The following RCOR1 variants were observed in gnomAD, a reference collection of about 807,000 sequenced individuals.
RCOR1 encodes the protein REST corepressor 1.
In RCOR1, 12 loss-of-function variants were observed where a neutral mutation model predicts 64.0. The ratio of observed to expected loss-of-function variants is 0.19; its 90% CI spans 0.12 to 0.30. The LOEUF is 0.30. Ranked by LOEUF, RCOR1 falls within the 10% of genes least tolerant of loss-of-function variation. RCOR1 has a pLI of 1.00. For synonymous variants in RCOR1, 279 were observed against 227.2 expected (o/e 1.23, Z -2.05); for missense variants, 502 against 621.2 (o/e 0.81, Z 2.04).
intron 3 of RCOR1, among the ~76,000 whole-genome samples, chr14:102,683,206 GTTA>G (rs921586015): frequency 1.3e-5 from 2 of 152,148 alleles, no homozygotes; most frequent in African/African-American, 2.4e-5. Flanking sequence ...TTTAAAGTTG[GTTA>G]AAACTTTAAA....
At chr14:102,678,150 G>A (rs1172828587) in intron 2 of RCOR1, among the ~76,000 whole-genome samples, 4 of 152,104 alleles carry the variant, frequency 2.6e-5, no homozygotes. Context: ...CGAGATGGCA[G>A]CAGTACCGTC....
At chr14:102,648,227 C>T (rs1894515818) in intron 2 of RCOR1, among the ~76,000 whole-genome samples, 1 of 151,198 alleles carries the variant, frequency 6.6e-6, no homozygotes, top group Non-Finnish European at 1.5e-5. Flanking sequence ...CACAGGCATG[C>T]GCCACCACAC....
intron 2 of RCOR1, among the ~76,000 whole-genome samples, chr14:102,618,610 C>T (rs555105873): frequency 6.6e-6 from 1 of 152,146 alleles, no homozygotes; most frequent in Admixed American, 6.6e-5. Flanking sequence ...TCGACCCTGT[C>T]TCAAAACTAA....
chr14:102,636,033 C>T lies in RCOR1; in HGVS notation c.361+42708C>T, dbSNP rs563681997. Among the ~76,000 whole-genome samples, 23 of 151,802 alleles carry T rather than the reference C, an allele frequency of 1.5e-4. No homozygotes were observed. In the East Asian group the frequency reaches 3.9e-3, roughly 26 times the overall value. On this transcript the variant is annotated intron_variant, in intron 2 of 11. Coordinates refer to ENST00000262241, the MANE Select transcript of RCOR1 (RefSeq NM_015156.4). ...CTGCAACCTCCGCCTCCCAGGTTCA[C>T]GCCATTCTCCCACCTCAGCCTCCTG...
chr14:102,601,374 T>G (rs900944366), intron 2 of RCOR1, among the ~76,000 whole-genome samples: 6 of 152,256 alleles, frequency 3.9e-5, no homozygotes, highest in Non-Finnish European at 8.8e-5. Flanking sequence ...CATTCCCGCC[T>G]TCTTTCTTCA....
chr14:102,599,291 A>C (rs879327728), intron 2 of RCOR1, among the ~76,000 whole-genome samples: 8 of 151,958 alleles, frequency 5.3e-5, no homozygotes, highest in Non-Finnish European at 1.0e-4. Flanking sequence ...ACCATGCCTG[A>C]CTAGTTTTTT....
At chr14:102,693,269 C>G (rs943386850) in intron 3 of RCOR1, among the ~76,000 whole-genome samples, 2 of 152,158 alleles carry the variant, frequency 1.3e-5, no homozygotes, top group Admixed American at 6.5e-5. Flanking sequence ...GACTATTTCT[C>G]TCTCTCCAGT....
intron 3 of RCOR1, among the ~76,000 whole-genome samples, chr14:102,690,070 C>G (rs1028127848): frequency 6.6e-6 from 1 of 151,624 alleles, no homozygotes; most frequent in African/African-American, 2.4e-5. Flanking sequence ...TAGCTATTAA[C>G]TATATAAGGA....
intron 3 of RCOR1, among the ~76,000 whole-genome samples, chr14:102,698,233 G>T (rs924565316): frequency 2.6e-5 from 4 of 152,222 alleles, no homozygotes; most frequent in African/African-American, 9.7e-5. Flanking sequence ...GCTTGTGTGT[G>T]TCTTAAAATT....
chr14:102,660,353 CT>C (rs36033972), intron 2 of RCOR1, among the ~76,000 whole-genome samples: 45,186 of 148,274 alleles, frequency 0.3, 6,829 homozygotes, highest in East Asian at 0.39. Context: ...TTGGGTAAAA[CT>C]TTTTTTTTTT....
At chr14:102,657,363 A>G in intron 2 of RCOR1, 2 of 985,310 alleles carry the variant, frequency 2.0e-6, no homozygotes, top group Non-Finnish European at 2.4e-6. Flanking sequence ...TTTAATCCTA[A>G]TTTAAGACCG....
At chr14:102,619,427 C>CT (rs981739555) in intron 2 of RCOR1, among the ~76,000 whole-genome samples, 3 of 148,300 alleles carry the variant, frequency 2.0e-5, no homozygotes, top group African/African-American at 7.5e-5. Flanking sequence ...GCCCATGCCT[C>CT]TATCTATCTA....
intron 2 of RCOR1, among the ~76,000 whole-genome samples, chr14:102,616,206 ATGTGTGTGTGTGTGTGTGTGTG>A (rs56991991): frequency 1.0e-4 from 15 of 149,266 alleles, no homozygotes; most frequent in Non-Finnish European, 1.3e-4. Context: ...ACATGTGTAT[ATGTGTGTGTGTGTGTGTGTGTG>A]TGTGTGTGTG....
In RCOR1 at chr14:102,706,401, A is replaced by G. The variant is rs541454737; in HGVS notation, c.499-950A>G. On this transcript the variant is annotated intron_variant, in intron 4 of 11. Transcript: ENST00000262241. Reference sequence around the variant, plus strand: ...ATGGTATCCCATGCAAGTAGTAACCAAAAGAAAGCAGGAGTGATTATAATA... The same window carrying G: ...ATGGTATCCCATGCAAGTAGTAACCGAAAGAAAGCAGGAGTGATTATAATA... Among the ~76,000 whole-genome samples the G allele has an allele frequency of 8.5e-5, 13 of 152,300 alleles. No individual in the cohort carries two copies. In the South Asian group the frequency reaches 2.7e-3, roughly 32 times the overall value.
intron 7 of RCOR1, among the ~76,000 whole-genome samples, chr14:102,713,320 G>C (rs1895999423): frequency 6.9e-6 from 1 of 145,608 alleles, no homozygotes; most frequent in Non-Finnish European, 1.5e-5. Flanking sequence ...GTGCAGTGGT[G>C]CAATCTCGGC....
chr14:102,595,831 G>C (rs1373798929), intron 2 of RCOR1, among the ~76,000 whole-genome samples: 2 of 151,888 alleles, frequency 1.3e-5, no homozygotes, highest in Non-Finnish European at 2.9e-5. Context: ...CGCCCGTCTC[G>C]GCCTCTCATA....
chr14:102,652,841 G>A (rs992005753), intron 2 of RCOR1, among the ~76,000 whole-genome samples: 8 of 152,156 alleles, frequency 5.3e-5, no homozygotes, highest in African/African-American at 1.9e-4. Context: ...ATGTGTATCG[G>A]GAAGATTTGA....
At chr14:102,668,273 G>A (rs956494973) in intron 2 of RCOR1, among the ~76,000 whole-genome samples, 1 of 152,150 alleles carries the variant, frequency 6.6e-6, no homozygotes. Context: ...TTACTGCTGC[G>A]GTAATGCAGG....
intron 2 of RCOR1, among the ~76,000 whole-genome samples, chr14:102,676,335 G>A (rs1263868127): frequency 7.0e-6 from 1 of 142,638 alleles, no homozygotes; most frequent in Admixed American, 6.8e-5. Context: ...TGGCCGGGCG[G>A]GGGGCTGACC....
Sources: gnomAD v4.1 joint callset for allele counts (sites outside exome capture counted in the v4.1 genomes callset) on GRCh38, gnomAD v4.1.1 for gene constraint, MANE v1.5 for transcripts, NCBI Gene and HGNC (gene_info 2026-07-23, HGNC 2026-07-21) for gene names.